CBR4: variants seen among roughly 807,000 people sequenced by gnomAD.
CBR4 encodes carbonyl reductase 4, also known as 3-oxoacyl-[acyl-carrier-protein] reductase.
Under a neutral mutation model 21.0 loss-of-function variants are expected in CBR4, and 22 were observed. The ratio of observed to expected loss-of-function variants is 1.05; its 90% confidence interval spans 0.75 to 1.50. CBR4 has a LOEUF of 1.50. Among genes scored for constraint, CBR4 ranks in the 40% most tolerant of loss-of-function variants. CBR4 has a pLI of 0.00. For missense variants in CBR4, 302 were observed against 286.3 expected (o/e 1.05, Z -0.40); for synonymous variants, 100 against 104.4 (o/e 0.96, Z 0.26).
At chr4:168,947,660 C>T (rs917777159) in intron 2 of CBR4, among the ~76,000 whole-genome samples, 1 of 152,100 alleles carries the variant, frequency 6.6e-6, no homozygotes, top group African/African-American at 2.4e-5. Flanking sequence ...TCCTGAGTTA[C>T]TTCATTTAGT....
At chr4:168,979,706 T>G (rs1456348521) in intron 2 of CBR4, among the ~76,000 whole-genome samples, 2 of 151,936 alleles carry the variant, frequency 1.3e-5, no homozygotes, top group Non-Finnish European at 2.9e-5. Flanking sequence ...CTCTTCACCA[T>G]GTAGGGCCTC....
chr4:168,898,235 GA>G, intron 2 of CBR4: 1 of 509,246 alleles, frequency 2.0e-6, no homozygotes, highest in Non-Finnish European at 3.5e-6. Context: ...TCGCCTCAGA[GA>G]AAAGAAGGAA....
intron 2 of CBR4, among the ~76,000 whole-genome samples, chr4:168,945,166 T>C (rs1354083331): frequency 6.6e-6 from 1 of 152,116 alleles, no homozygotes; most frequent in Non-Finnish European, 1.5e-5. Flanking sequence ...ACCCCAAACC[T>C]ACTGAATCAG....
At chr4:168,940,557 T>C (rs1316390056) in intron 2 of CBR4, among the ~76,000 whole-genome samples, 2 of 152,088 alleles carry the variant, frequency 1.3e-5, no homozygotes, top group Admixed American at 6.6e-5. Context: ...AAAGGGCTAA[T>C]GTCCAGAATC....
At chr4:168,945,740 TG>T (rs1317197398) in intron 2 of CBR4, among the ~76,000 whole-genome samples, 2 of 152,240 alleles carry the variant, frequency 1.3e-5, no homozygotes, top group Admixed American at 6.5e-5. Context: ...ATGGCACTGC[TG>T]GGATTTCCAG....
chr4:168,990,627 G>A (rs573251601), intron 4 of CBR4, among the ~76,000 whole-genome samples: 2 of 151,916 alleles, frequency 1.3e-5, no homozygotes, highest in Non-Finnish European at 2.9e-5. Flanking sequence ...TGTAGAGTTG[G>A]GCCAGGCTGA....
chr4:168,922,173 C>T (rs2126518698), intron 2 of CBR4, among the ~76,000 whole-genome samples: 2 of 151,270 alleles, frequency 1.3e-5, no homozygotes, highest in Middle Eastern at 3.4e-3. Flanking sequence ...CTGTCATCTA[C>T]CCTCATAGTC....
In CBR4 at chr4:169,005,180, T is replaced by C. The variant is rs1730801295; in HGVS notation, c.400+1575A>G. The C allele has an allele frequency of 3.3e-5, 5 of 151,986 alleles. No individual in the cohort carries two copies. The South Asian group carries it at 1.0e-3, about 32-fold the overall frequency. The allele number at this position is 151,986 out of a possible 1,614,324, so 9.4% of individuals were successfully genotyped here. The stretch of plus-strand genomic sequence containing the variant: ...AGAAATGCATATGGATAGAGGGGTG[T>C]TTATCAGAAAGAAAAATACAGAGAC... On this transcript the variant is annotated intron_variant, in intron 3 of 4. Transcript: ENST00000306193.
In CBR4 at chr4:169,009,988, T is replaced by G; in HGVS notation, c.102A>C (p.Arg34Ser). 2 of 1,613,378 alleles carry G rather than the reference T, an allele frequency of 1.2e-6. No homozygotes were observed. Among genetic ancestry groups the G allele is most frequent in the Non-Finnish European group, 1.7e-6 (2 of 1,179,786 alleles). The change falls in exon 1 of 5, where the codon AGA (arginine) becomes AGC (serine). Residue 34 changes from arginine to serine, a missense_variant. Transcript: ENST00000306193. ...CGGCGGCTTTGGCCCCTTCCAGGTT[T>G]CTGGCAATGACCGCCAGTCGGTAGC... is the stretch of plus-strand genomic sequence containing the variant. ...RKGYRLAVIARNLEGAKAAAG... is the reference protein window; with the variant it reads ...RKGYRLAVIASNLEGAKAAAG...
intron 2 of CBR4, among the ~76,000 whole-genome samples, chr4:168,943,354 G>C (rs117831910): frequency 1.3e-5 from 2 of 152,274 alleles, no homozygotes; most frequent in East Asian, 3.9e-4. Flanking sequence ...ATTTGAGAAA[G>C]CCACCGCACA....
In CBR4 at chr4:169,009,997, G is replaced by A. The variant is rs1486302348; in HGVS notation, c.93C>T (p.Val31=). 6.2e-7 allele frequency: 1 copy of A among 1,613,524 alleles called. No individual in the cohort carries two copies. Among genetic ancestry groups the A allele is most frequent in the Admixed American group, 1.7e-5 (1 of 59,934 alleles). ...TGGCCCCTTCCAGGTTTCTGGCAAT[G>A]ACCGCCAGTCGGTAGCCTTTCCGGG... ...LMARKGYRLA[V]IARNLEGAKA... Residue 31 remains valine (V), a synonymous_variant, in exon 1 of 5, where the codon GTC becomes GTT. Coordinates refer to ENST00000306193, the MANE Select transcript of CBR4 (RefSeq NM_032783.5).
intron 2 of CBR4, among the ~76,000 whole-genome samples, chr4:168,967,701 G>C (rs1764084433): frequency 1.3e-5 from 2 of 152,154 alleles, no homozygotes; most frequent in Admixed American, 1.3e-4. Flanking sequence ...GTCTGTACTG[G>C]AGCAGGTGGA....
chr4:168,979,996 C>A (rs139655281), intron 2 of CBR4, among the ~76,000 whole-genome samples: 44 of 152,204 alleles, frequency 2.9e-4, no homozygotes, highest in Admixed American at 5.2e-4. Flanking sequence ...CAGGCAGGGC[C>A]CCCCCAGCTT....
At chr4:168,969,548 A>C (rs1039031774) in intron 2 of CBR4, among the ~76,000 whole-genome samples, 5 of 152,204 alleles carry the variant, frequency 3.3e-5, no homozygotes, top group Admixed American at 6.5e-5. Flanking sequence ...ACAGCAGCAG[A>C]AGGATAGAGT....
At chr4:168,991,662 C>T (rs1764929698) in intron 4 of CBR4, among the ~76,000 whole-genome samples, 1 of 152,076 alleles carries the variant, frequency 6.6e-6, no homozygotes, top group Admixed American at 6.5e-5. Context: ...GAACTGTAGA[C>T]TTATGAAGAA....
chr4:168,894,675 C>G lies in CBR4; in HGVS notation n.260G>C, dbSNP rs140360991. ...GGAGCCAGAAGAGGAAACAGCTAATCAGGTACCATGTTGCTCTGGACTTCT... is the reference window on the plus strand; with the variant it reads ...GGAGCCAGAAGAGGAAACAGCTAATGAGGTACCATGTTGCTCTGGACTTCT... On this transcript the variant is annotated non_coding_transcript_exon_variant, in exon 3 of 4. Coordinates refer to the CBR4 transcript ENST00000509108. 66 of 1,612,998 alleles carry G rather than the reference C, an allele frequency of 4.1e-5. No individual in the cohort carries two copies. In the African/African-American group the frequency reaches 5.2e-4, roughly 13 times the overall value.
rs573613770 is a variant in CBR4 at position 168,997,650 on chromosome 4, T to G, written c.535+4421A>C. ...ATTATATCCTTTATCGATTTCTGACTAGCTATAAACTATAAATAGAAACAC... is the reference window on the plus strand; with the variant it reads ...ATTATATCCTTTATCGATTTCTGACGAGCTATAAACTATAAATAGAAACAC... On this transcript the variant is annotated intron_variant, in intron 4 of 4. Transcript: ENST00000306193. Among the ~76,000 whole-genome samples, 4 of 152,356 alleles carry G rather than the reference T, an allele frequency of 2.6e-5. No individual in the cohort carries two copies. The East Asian group carries it at 7.7e-4, about 29-fold the overall frequency.
At position 168,930,671 on chromosome 4, in the gene CBR4, G is replaced by T. The variant is rs543054765; in HGVS notation, n.170-35906C>A. On this transcript the variant is annotated intron_variant and non_coding_transcript_variant, in intron 2 of 3. Transcript: ENST00000509108. ...GTGGGGGTAGCTGCGGTCACTGAAA[G>T]TCCAGAAGGCAGCATGGAGACACCT... Among the ~76,000 whole-genome samples, 3 of 152,148 alleles carry T rather than the reference G, an allele frequency of 2.0e-5. No homozygotes were observed. The East Asian group carries it at 5.8e-4, about 29-fold the overall frequency.
intron 2 of CBR4, chr4:168,898,456 G>A: frequency 7.6e-7 from 1 of 1,311,746 alleles, no homozygotes; most frequent in East Asian, 2.3e-5. Flanking sequence ...TTGTCAGAAG[G>A]GATTGAGTCT....
Sources: allele counts gnomAD v4.1 joint callset (sites outside exome capture counted in the v4.1 genomes callset), GRCh38; gene constraint gnomAD v4.1.1; transcripts MANE v1.5; gene names NCBI Gene and HGNC (gene_info 2026-07-23, HGNC 2026-07-21).